The following HIPK2 variants were observed in gnomAD, a reference collection of about 807,000 sequenced individuals.
HIPK2 encodes homeodomain-interacting protein kinase 2.
HIPK2 carries 27 observed loss-of-function variants against 113.7 expected under a neutral mutation model. The ratio of observed to expected loss-of-function variants is 0.24; its 90% CI spans 0.17 to 0.33. The LOEUF is 0.33. HIPK2 is among the 10% of genes least tolerant of loss of function. HIPK2 has a pLI of 1.00. For missense variants in HIPK2, 1,257 were observed against 1,588.0 expected (o/e 0.79, Z 3.54); for synonymous variants, 631 against 642.2 (o/e 0.98, Z 0.26).
intron 13 of HIPK2, among the ~76,000 whole-genome samples, chr7:139,582,099 T>C (rs572064994): frequency 2.6e-5 from 4 of 152,350 alleles, no homozygotes; most frequent in East Asian, 1.9e-4. Flanking sequence ...TGTTGCTTCC[T>C]GGCAGGGTTT....
At chr7:139,620,936 G>A (rs1385756219) in intron 6 of HIPK2, among the ~76,000 whole-genome samples, 1 of 152,134 alleles carries the variant, frequency 6.6e-6, no homozygotes, top group Non-Finnish European at 1.5e-5. Flanking sequence ...CTCTCTGAAT[G>A]GGAACATTAA....
At chr7:139,586,639 G>A (rs1307037369) in intron 12 of HIPK2, among the ~76,000 whole-genome samples, 1 of 151,670 alleles carries the variant, frequency 6.6e-6, no homozygotes, top group East Asian at 1.9e-4. Context: ...GTATGGTGGT[G>A]CATGCCTGTA....
In HIPK2 at chr7:139,613,451, G is replaced by C; in HGVS notation, c.1991-128C>G. On this transcript the variant is annotated intron_variant, in intron 8 of 14. Transcript: ENST00000406875. This position sits in a 1 kb window ranked among gnomAD's most constrained non-coding sequence, Gnocchi z 4.2. The stretch of plus-strand genomic sequence containing the variant: ...TTGCACTGGTCACTGACAACAACCA[G>C]GTATTGCCTGGTCCTTGGAAGTCTC... The C allele has an allele frequency of 1.9e-6, 2 of 1,067,148 alleles. No individual in the cohort carries two copies. Among genetic ancestry groups the C allele is most frequent in the Non-Finnish European group, 2.7e-6 (2 of 753,548 alleles). The allele number at this position is 1,067,148 out of a possible 1,614,324, so 66.1% of individuals were successfully genotyped here. A position where few individuals can be genotyped will look rare whatever the true frequency, so the allele number is the denominator to read the frequency against.
chr7:139,752,458 T>A (rs987532679), intron 1 of HIPK2, among the ~76,000 whole-genome samples: 1 of 152,150 alleles, frequency 6.6e-6, no homozygotes, highest in African/African-American at 2.4e-5. Flanking sequence ...TGTCTGCATG[T>A]GATTTTCTCC....
intron 2 of HIPK2, among the ~76,000 whole-genome samples, chr7:139,670,357 G>A (rs951044974): frequency 1.3e-5 from 2 of 152,002 alleles, no homozygotes; most frequent in Non-Finnish European, 2.9e-5. Context: ...GCTGAAGAGG[G>A]AGGATCATTT....
chr7:139,576,084 A>G (rs919455008), intron 13 of HIPK2, among the ~76,000 whole-genome samples: 3 of 152,268 alleles, frequency 2.0e-5, no homozygotes, highest in South Asian at 2.1e-4. Context: ...TGAGTATCAG[A>G]GGAGACAGTG....
rs149424774 is a variant in HIPK2, at chr7:139,639,729, GC to G, written c.1104-8005del. 3.8e-3 allele frequency among the ~76,000 whole-genome samples: 586 copies of G among 152,270 alleles called. 5 individuals carry two copies. Among genetic ancestry groups the G allele is most frequent in the African/African-American group, 0.013 (541 of 41,540 alleles). ...CTGCTGTATCTCCAGCGCCTAGCAC[GC>G]AGCCTGGGCATGTAGGTGCTCCATA... On this transcript the variant is annotated intron_variant, in intron 2 of 14. Coordinates refer to ENST00000406875, the MANE Select transcript of HIPK2 (RefSeq NM_022740.5).
At chr7:139,748,529 T>C (rs1445205994) in intron 1 of HIPK2, among the ~76,000 whole-genome samples, 2 of 151,576 alleles carry the variant, frequency 1.3e-5, no homozygotes, top group Non-Finnish European at 2.9e-5. Flanking sequence ...GCGCTGGCAA[T>C]CTTTGCTGTT....
intron 1 of HIPK2, among the ~76,000 whole-genome samples, chr7:139,765,165 G>A (rs1413199475): frequency 6.6e-6 from 1 of 151,976 alleles, no homozygotes; most frequent in Non-Finnish European, 1.5e-5. Flanking sequence ...CTTTGGCAAG[G>A]AAATTAACCT....
At chr7:139,687,270 A>C (rs1267442597) in intron 2 of HIPK2, among the ~76,000 whole-genome samples, 1 of 152,222 alleles carries the variant, frequency 6.6e-6, no homozygotes, top group East Asian at 1.9e-4. Flanking sequence ...TTTAAAATTA[A>C]GTATGTGCAA....
At chr7:139,696,755 A>C (rs1484779505) in intron 2 of HIPK2, among the ~76,000 whole-genome samples, 1 of 152,180 alleles carries the variant, frequency 6.6e-6, no homozygotes, top group East Asian at 1.9e-4. Flanking sequence ...GAAGAGTCAC[A>C]CAGGCTGAAA....
chr7:139,707,211 G>A (rs36185827), intron 2 of HIPK2, among the ~76,000 whole-genome samples: 55,789 of 151,916 alleles, frequency 0.37, 14,392 homozygotes, highest in African/African-American at 0.73. Flanking sequence ...CTAAACAGGC[G>A]ATCTGCACCC....
intron 2 of HIPK2, among the ~76,000 whole-genome samples, chr7:139,637,121 T>G (rs1800840051): frequency 6.6e-6 from 1 of 152,072 alleles, no homozygotes; most frequent in Non-Finnish European, 1.5e-5. Context: ...TGATTCTCCA[T>G]CCCCCCTGCC....
At chr7:139,702,288 T>A (rs1189811574) in intron 2 of HIPK2, among the ~76,000 whole-genome samples, 1 of 152,096 alleles carries the variant, frequency 6.6e-6, no homozygotes, top group Non-Finnish European at 1.5e-5. Flanking sequence ...GGAAGGACAT[T>A]TACAGGCTGT....
At chr7:139,655,912 G>T (rs544683125) in intron 2 of HIPK2, among the ~76,000 whole-genome samples, 2 of 152,220 alleles carry the variant, frequency 1.3e-5, no homozygotes, top group African/African-American at 4.8e-5. Context: ...AGGGAAGCTG[G>T]AAAGGCTGCA....
intron 2 of HIPK2, among the ~76,000 whole-genome samples, chr7:139,708,742 C>A (rs949985001): frequency 6.6e-6 from 1 of 152,170 alleles, no homozygotes; most frequent in African/African-American, 2.4e-5. Context: ...ATGCTTGCTG[C>A]GTGTGCCTTG....
chr7:139,663,980 A>G (rs1338435170), intron 2 of HIPK2, among the ~76,000 whole-genome samples: 1 of 152,200 alleles, frequency 6.6e-6, no homozygotes, highest in East Asian at 1.9e-4. Flanking sequence ...CAAACCCCAG[A>G]GGCCTGGGCC....
At chr7:139,704,120 CCACACACACACCA>C (rs1237387289) in intron 2 of HIPK2, among the ~76,000 whole-genome samples, 2 of 124,556 alleles carry the variant, frequency 1.6e-5, no homozygotes, top group East Asian at 2.7e-4. Context: ...CCAACACACA[CCACACACACACCA>C]CACACACACA....
In HIPK2 at chr7:139,596,967, G is replaced by C. The variant is rs373937725; in HGVS notation, c.2467C>G (p.Gln823Glu). The change falls in exon 12 of 15, where the codon CAG becomes GAG. Residue 823 changes from glutamine to glutamate, a missense_variant. Gln to Glu is a conservative substitution (Grantham distance 29). Coordinates refer to ENST00000406875, the MANE Select transcript of HIPK2 (RefSeq NM_022740.5). The part of the protein sequence containing the change: ...NVSTCEVSSS[Q>E]AISSPQRSKR... ...GATCGCTGTGGGGAGCTGATGGCCT[G>C]AGAGGAGGACACCTCACAGGTGGAG... The C allele has an allele frequency of 6.2e-6, 10 of 1,603,490 alleles. No homozygotes were observed. In the African/African-American group the frequency reaches 1.3e-4, roughly 21 times the overall value.
Sources: gnomAD v4.1 joint callset for allele counts (sites outside exome capture counted in the v4.1 genomes callset) on GRCh38, gnomAD v4.1.1 for gene constraint, Gnocchi (gnomAD v3.1) non-coding constraint, MANE v1.5 for transcripts, NCBI Gene and HGNC (gene_info 2026-07-23, HGNC 2026-07-21) for gene names.